SLC24A4: variants seen among roughly 807,000 people sequenced by gnomAD.
The protein encoded by SLC24A4 is sodium/potassium/calcium exchanger 4.
SLC24A4 carries 53 observed loss-of-function variants against 79.0 expected under a neutral mutation model. The observed-to-expected ratio is 0.67, with a 90% CI of 0.54 to 0.84. The LOEUF (loss-of-function observed/expected upper bound fraction) is 0.84, where lower values mean the gene tolerates loss of function less well. Ranked by LOEUF, SLC24A4 falls within the 40% of genes least tolerant of loss-of-function variation. The pLI, the probability that SLC24A4 is intolerant of heterozygous loss-of-function variation, is 0.00. For synonymous variants in SLC24A4, 323 were observed against 323.8 expected, an observed-to-expected ratio of 1.00 and a Z score of 0.03; for missense variants, 731 against 822.0, an observed-to-expected ratio of 0.89 and a Z score of 1.35.
At chr14:92,399,677 T>C (rs1889987130) in intron 2 of SLC24A4, among the ~76,000 whole-genome samples, 1 of 152,218 alleles carries the variant, frequency 6.6e-6, no homozygotes, top group Non-Finnish European at 1.5e-5. Context: ...TTTTGCGCTA[T>C]GAAGGGGCTG....
At chr14:92,424,363 C>A (rs1421825775) in intron 2 of SLC24A4, among the ~76,000 whole-genome samples, 4 of 152,090 alleles carry the variant, frequency 2.6e-5, no homozygotes, top group African/African-American at 9.7e-5. Context: ...AAAGTAACAC[C>A]TGAGGCTGCA....
intron 8 of SLC24A4, among the ~76,000 whole-genome samples, chr14:92,445,754 CACA>C (rs747809126): frequency 6.6e-6 from 1 of 152,212 alleles, no homozygotes; most frequent in South Asian, 2.1e-4. Context: ...CACAGAACAA[CACA>C]ACATCAGATC....
intron 2 of SLC24A4, among the ~76,000 whole-genome samples, chr14:92,364,130 C>T (rs960581300): frequency 2.0e-5 from 3 of 152,224 alleles, no homozygotes; most frequent in African/African-American, 7.2e-5. Flanking sequence ...TTTTCTACTA[C>T]TGCTTTCGTG....
In SLC24A4 at chr14:92,499,527, T is replaced by C. The variant is rs1896065661; in HGVS notation, c.*5899T>C. The C allele has an allele frequency of 1.3e-5, 2 of 152,194 alleles. No individual in the cohort carries two copies. Among genetic ancestry groups the C allele is most frequent in the Admixed American group, 6.5e-5 (1 of 15,278 alleles). The allele number at this position is 152,194 out of a possible 1,614,324, so 9.4% of individuals were successfully genotyped here. On this transcript the variant is annotated 3_prime_UTR_variant, in exon 17 of 17. Transcript: ENST00000532405. Reference sequence around the variant, plus strand: ...TGCTAGAATTCAAACAGTTGCTTTTTTTTTTTCTTTTTGAGAAAGGGCCTC... The same window carrying C: ...TGCTAGAATTCAAACAGTTGCTTTTCTTTTTTCTTTTTGAGAAAGGGCCTC...
chr14:92,423,666 A>G (rs1891410836), intron 2 of SLC24A4, among the ~76,000 whole-genome samples: 2 of 152,258 alleles, frequency 1.3e-5, no homozygotes, highest in Admixed American at 1.3e-4. Flanking sequence ...AGAGTTTACT[A>G]TAGCAAGGGA....
rs1454330704 is a variant in SLC24A4 at position 92,449,121 on chromosome 14, T to C, written c.785T>C (p.Ile262Thr). Residue 262 changes from isoleucine (I) to threonine (T), a missense_variant, in exon 10 of 17, where the codon ATT (isoleucine) becomes ACT (threonine). Physicochemically the swap from Ile to Thr is moderately conservative, Grantham distance 89. Transcript: ENST00000532405. ...QAFFTVKQKS[I>T]ANGNPVNSEL... ...TTTTTCACAGTCAAACAAAAGAGCATTGCAAACGGTAACCCGGTCAACAGT... is the reference window on the plus strand; with the variant it reads ...TTTTTCACAGTCAAACAAAAGAGCACTGCAAACGGTAACCCGGTCAACAGT... 1 of 1,614,174 alleles carries C rather than the reference T, an allele frequency of 6.2e-7. No homozygotes were observed. Among genetic ancestry groups the C allele is most frequent in the Admixed American group, 1.7e-5 (1 of 60,030 alleles).
intron 2 of SLC24A4, among the ~76,000 whole-genome samples, chr14:92,424,809 G>C (rs11622759): frequency 0.42 from 63,537 of 151,928 alleles, 13,509 homozygotes; most frequent in Non-Finnish European, 0.44. Context: ...TTGAGCCTAG[G>C]AGGTCAAGGC....
At chr14:92,394,593 T>TTGG in intron 2 of SLC24A4, among the ~76,000 whole-genome samples, 1 of 152,210 alleles carries the variant, frequency 6.6e-6, no homozygotes, top group South Asian at 2.1e-4. Context: ...CTGCCAGCTG[T>TTGG]TAAATGGCAA....
chr14:92,381,714 G>T (rs569331600), intron 2 of SLC24A4, among the ~76,000 whole-genome samples: 104 of 152,026 alleles, frequency 6.8e-4, no homozygotes, highest in Non-Finnish European at 9.3e-4. Context: ...ATCCTTTTAG[G>T]CTGGTTATTC....
At position 92,339,134 on chromosome 14, in the gene SLC24A4, C is replaced by T. The variant is rs561702905; in HGVS notation, c.241+13156C>T. 3.9e-5 allele frequency among the ~76,000 whole-genome samples: 6 copies of T among 152,316 alleles called. No homozygotes were observed. The East Asian group carries it at 1.2e-3, about 29-fold the overall frequency. The stretch of plus-strand genomic sequence containing the variant: ...CTGGATGCATGTTGATGGAGCAACC[C>T]TATCTGGTGGTCCCGTCCTAGATGC... On this transcript the variant is annotated intron_variant, in intron 2 of 16. Transcript: ENST00000532405.
At chr14:92,466,135 G>T (rs4904922) in intron 12 of SLC24A4, among the ~76,000 whole-genome samples, 106,324 of 151,692 alleles carry the variant, frequency 0.7, 37,763 homozygotes, top group Non-Finnish European at 0.76. Flanking sequence ...ACTTCTAGCT[G>T]TGTGAGCTTG....
rs913260332 is a variant in SLC24A4, at chr14:92,490,691, G to A, written c.1538-974G>A. Among the ~76,000 whole-genome samples, 3 of 152,108 alleles carry A rather than the reference G, an allele frequency of 2.0e-5. No homozygotes were observed. The highest frequency in any genetic ancestry group is 2.9e-5 in the Non-Finnish European group (2 of 68,024). On this transcript the variant is annotated intron_variant, in intron 14 of 16. Coordinates refer to ENST00000532405, the MANE Select transcript of SLC24A4 (RefSeq NM_153646.4). This position sits in a 1 kb window ranked among gnomAD's most constrained non-coding sequence, Gnocchi z 4.3. ...GTCACGCGAGGTTATGCCCCACTCCGGCCTCCAGCCCAGGGTAGCTGGGAA... is the reference window on the plus strand; with the variant it reads ...GTCACGCGAGGTTATGCCCCACTCCAGCCTCCAGCCCAGGGTAGCTGGGAA...
At chr14:92,470,955 T>C (rs1894411339) in intron 12 of SLC24A4, among the ~76,000 whole-genome samples, 1 of 152,200 alleles carries the variant, frequency 6.6e-6, no homozygotes, top group African/African-American at 2.4e-5. Flanking sequence ...CTCTCAGCAT[T>C]GCTTTCCCCT....
chr14:92,481,036 G>A (rs1197951582), intron 12 of SLC24A4, among the ~76,000 whole-genome samples: 2 of 152,322 alleles, frequency 1.3e-5, no homozygotes, highest in East Asian at 3.9e-4. Flanking sequence ...CGTTCTCCCA[G>A]TCTTTGCCAA....
At chr14:92,343,660 CCTTCCTTCCT>C in intron 2 of SLC24A4, among the ~76,000 whole-genome samples, 1 of 119,362 alleles carries the variant, frequency 8.4e-6, no homozygotes, top group African/African-American at 3.5e-5. Flanking sequence ...TTCTTTCCTT[CCTTCCTTCCT>C]TCCTTCCTTC....
intron 2 of SLC24A4, among the ~76,000 whole-genome samples, chr14:92,342,968 G>A (rs899013922): frequency 2.6e-5 from 4 of 152,312 alleles, no homozygotes; most frequent in East Asian, 3.9e-4. Flanking sequence ...CCACAAGGGC[G>A]AATGGGCCTC....
intron 2 of SLC24A4, among the ~76,000 whole-genome samples, chr14:92,336,942 C>A (rs569870655): frequency 6.6e-6 from 1 of 152,312 alleles, no homozygotes; most frequent in Non-Finnish European, 1.5e-5. Context: ...TTGCTAGCAA[C>A]CACTGTGTCT....
chr14:92,335,878 T>C (rs1885759840), intron 2 of SLC24A4, among the ~76,000 whole-genome samples: 1 of 152,216 alleles, frequency 6.6e-6, no homozygotes, highest in Non-Finnish European at 1.5e-5. Flanking sequence ...GATTCCAGCC[T>C]GTCACTGTCT....
intron 2 of SLC24A4, among the ~76,000 whole-genome samples, chr14:92,405,759 A>G (rs1375188107): frequency 6.6e-6 from 1 of 152,154 alleles, no homozygotes; most frequent in East Asian, 1.9e-4. Context: ...ATCTGCCTCC[A>G]TGATGTAATC....
Sources: allele counts gnomAD v4.1 joint callset (sites outside exome capture counted in the v4.1 genomes callset), GRCh38; gene constraint gnomAD v4.1.1; non-coding constraint Gnocchi (gnomAD v3.1); transcripts MANE v1.5; gene names NCBI Gene and HGNC (gene_info 2026-07-23, HGNC 2026-07-21).